FHIT: variants seen among roughly 807,000 people sequenced by gnomAD.
FHIT encodes fragile histidine triad diadenosine triphosphatase.
In FHIT, 19 loss-of-function variants were observed where a neutral mutation model predicts 17.9. The ratio of observed to expected loss-of-function variants is 1.06; its 90% CI spans 0.74 to 1.56. The LOEUF is 1.56. Among genes scored for constraint, FHIT ranks in the 40% most tolerant of loss-of-function variants. The pLI is 0.00. For synonymous variants in FHIT, 81 were observed against 69.7 expected (o/e 1.16, Z -0.81); for missense variants, 248 against 189.2 (o/e 1.31, Z -1.82).
rs77509506 is a variant in FHIT at position 60,401,462 on chromosome 3, G to A, written c.103+135398C>T. Among the ~76,000 whole-genome samples the A allele has an allele frequency of 2.3e-3, 355 of 152,174 alleles. 1 individual carries two copies. Among genetic ancestry groups the A allele is most frequent in the African/African-American group, 7.7e-3 (320 of 41,524 alleles). On this transcript the variant is annotated intron_variant, in intron 5 of 9. Transcript: ENST00000492590. ...GGAGGCCAGGAGAGAAGAGAAGATG[G>A]GTATTGACTCACTGTCATGGTTCTA...
rs908481964 is a variant in FHIT, at chr3:61,009,800, T to C, written c.-111+32247A>G. Reference sequence around the variant, plus strand: ...ATAAATAAATAATGAAATTACAACATGAAGGTAACCTAATCTTTGACAAAA... The same window carrying C: ...ATAAATAAATAATGAAATTACAACACGAAGGTAACCTAATCTTTGACAAAA... On this transcript the variant is annotated intron_variant, in intron 3 of 9. Coordinates refer to ENST00000492590, the MANE Select transcript of FHIT (RefSeq NM_002012.4). Among the ~76,000 whole-genome samples the C allele has an allele frequency of 8.5e-5, 13 of 152,330 alleles. No homozygotes were observed. In the South Asian group the frequency reaches 2.3e-3, roughly 27 times the overall value.
At chr3:60,315,324 C>A (rs1302218860) in intron 5 of FHIT, among the ~76,000 whole-genome samples, 1 of 152,204 alleles carries the variant, frequency 6.6e-6, no homozygotes, top group Non-Finnish European at 1.5e-5. Context: ...ATGGGCTAAT[C>A]TTAAGTGTAT....
At chr3:59,755,372 G>A (rs1000166342) in intron 8 of FHIT, among the ~76,000 whole-genome samples, 1 of 152,048 alleles carries the variant, frequency 6.6e-6, no homozygotes, top group Non-Finnish European at 1.5e-5. Context: ...GTGACTTGAA[G>A]ACTAAAAATG....
chr3:60,831,680 T>A lies in FHIT; in HGVS notation c.-110-9669A>T, dbSNP rs116270509. Among the ~76,000 whole-genome samples the A allele has an allele frequency of 1.9e-3, 282 of 152,284 alleles. 3 individuals are homozygous for A. The highest frequency in any genetic ancestry group is 6.7e-3 in the African/African-American group (277 of 41,552). ...TGCCAATAACTTTTCATATATTATCTAATTTAATCATCCTAACAACCTATG... is the reference window on the plus strand; with the variant it reads ...TGCCAATAACTTTTCATATATTATCAAATTTAATCATCCTAACAACCTATG... On this transcript the variant is annotated intron_variant, in intron 3 of 9. Coordinates refer to ENST00000492590, the MANE Select transcript of FHIT (RefSeq NM_002012.4).
intron 4 of FHIT, among the ~76,000 whole-genome samples, chr3:60,792,625 C>G (rs1189414073): frequency 6.6e-6 from 1 of 152,194 alleles, no homozygotes; most frequent in East Asian, 1.9e-4. Context: ...TGCAAAGATG[C>G]TGCACCCAAA....
chr3:60,497,170 T>G (rs1482369281), intron 5 of FHIT, among the ~76,000 whole-genome samples: 1 of 151,912 alleles, frequency 6.6e-6, no homozygotes, highest in East Asian at 1.9e-4. Context: ...GCTAAACACT[T>G]ACAGTGCACA....
chr3:59,910,335 T>C (rs957344343), intron 8 of FHIT, among the ~76,000 whole-genome samples: 9 of 152,304 alleles, frequency 5.9e-5, no homozygotes, highest in African/African-American at 2.2e-4. Context: ...AAGGAGGCAA[T>C]CAGATATGCA....
intron 7 of FHIT, among the ~76,000 whole-genome samples, chr3:59,969,589 C>T (rs1031425356): frequency 1.3e-5 from 2 of 152,084 alleles, no homozygotes; most frequent in African/African-American, 4.8e-5. Context: ...CTAATGGGAA[C>T]AGTAACTGTG....
chr3:60,048,691 C>T (rs910330691), intron 5 of FHIT, among the ~76,000 whole-genome samples: 2 of 152,188 alleles, frequency 1.3e-5, no homozygotes, highest in Middle Eastern at 3.2e-3. Flanking sequence ...GATCTTTCCA[C>T]ATTCAACAAG....
In FHIT at chr3:60,071,884, G is replaced by A. The variant is rs578038897; in HGVS notation, c.104-57732C>T. 1.0e-3 allele frequency among the ~76,000 whole-genome samples: 157 copies of A among 152,218 alleles called. 2 individuals carry two copies. Among genetic ancestry groups the A allele is most frequent in the African/African-American group, 3.3e-3 (137 of 41,544 alleles). ...ATGAGATCTGATGGTTTTATAAAGC[G>A]GAGTTCCCCTCTACACAAGCCCTCT... is the stretch of plus-strand genomic sequence containing the variant. On this transcript the variant is annotated intron_variant, in intron 5 of 9. Coordinates refer to ENST00000492590, the MANE Select transcript of FHIT (RefSeq NM_002012.4).
At chr3:60,625,670 T>TA (rs1288265889) in intron 4 of FHIT, among the ~76,000 whole-genome samples, 1 of 152,208 alleles carries the variant, frequency 6.6e-6, no homozygotes, top group African/African-American at 2.4e-5. Context: ...ATGTAAGTAT[T>TA]TTATCCCATT....
chr3:60,947,187 C>T (rs146205437), intron 3 of FHIT, among the ~76,000 whole-genome samples: 2 of 152,196 alleles, frequency 1.3e-5, no homozygotes, highest in African/African-American at 2.4e-5. Context: ...TCAGCATTTC[C>T]AATAAGCAGG....
intron 4 of FHIT, among the ~76,000 whole-genome samples, chr3:60,716,702 T>A (rs1716711): frequency 2.0e-5 from 3 of 152,168 alleles, no homozygotes; most frequent in Admixed American, 2.0e-4. Flanking sequence ...TCATTTGTTA[T>A]CATTATCAAG....
chr3:60,120,459 T>A (rs1705196973), intron 5 of FHIT, among the ~76,000 whole-genome samples: 1 of 152,228 alleles, frequency 6.6e-6, no homozygotes, highest in South Asian at 2.1e-4. Context: ...AAGGCATAAT[T>A]TTAGGTATTA....
chr3:60,760,067 A>G (rs144521498), intron 4 of FHIT, among the ~76,000 whole-genome samples: 1 of 131,238 alleles, frequency 7.6e-6, no homozygotes, highest in Non-Finnish European at 1.6e-5. Flanking sequence ...CTTTCTTTCC[A>G]TTTCTCTCTT....
intron 3 of FHIT, among the ~76,000 whole-genome samples, chr3:60,884,910 C>CAAAAAA (rs71092651): frequency 3.6e-5 from 4 of 110,286 alleles, no homozygotes; most frequent in African/African-American, 1.1e-4. Flanking sequence ...GACCCTTTCT[C>CAAAAAA]AAAAAAAAAA....
intron 4 of FHIT, among the ~76,000 whole-genome samples, chr3:60,638,880 TG>T (rs1487713233): frequency 1.3e-5 from 2 of 151,112 alleles, no homozygotes; most frequent in Admixed American, 6.6e-5. Flanking sequence ...AATGGTGTGT[TG>T]GGGGTGGGAA....
At chr3:59,773,830 T>C (rs963345461) in intron 8 of FHIT, among the ~76,000 whole-genome samples, 1 of 152,142 alleles carries the variant, frequency 6.6e-6, no homozygotes, top group Non-Finnish European at 1.5e-5. Context: ...ATCAGCCCCA[T>C]GTGACTACCA....
At chr3:60,035,993 C>G (rs907646641) in intron 5 of FHIT, among the ~76,000 whole-genome samples, 3 of 152,180 alleles carry the variant, frequency 2.0e-5, no homozygotes, top group Non-Finnish European at 4.4e-5. Flanking sequence ...CTCTGATATC[C>G]AGGCTAAGAG....
Sources: gnomAD v4.1 joint callset for allele counts (sites outside exome capture counted in the v4.1 genomes callset) on GRCh38, gnomAD v4.1.1 for gene constraint, MANE v1.5 for transcripts, NCBI Gene and HGNC (gene_info 2026-07-23, HGNC 2026-07-21) for gene names.